ARRB1: variants seen among roughly 807,000 people sequenced by gnomAD.
ARRB1 encodes the protein arrestin beta 1, also known as beta-arrestin-1.
Under a neutral mutation model 56.8 loss-of-function variants are expected in ARRB1, and 21 were observed. The observed-to-expected ratio is 0.37, with a 90% CI of 0.26 to 0.53. The LOEUF is 0.53. ARRB1 is among the 20% of genes least tolerant of loss of function. The pLI is 0.88. For missense variants in ARRB1, 424 were observed against 553.7 expected, an observed-to-expected ratio of 0.77 and a Z score of 2.35; for synonymous variants, 210 against 218.6, an observed-to-expected ratio of 0.96 and a Z score of 0.35.
chr11:75,266,870 G>A (rs1389328618), intron 15 of ARRB1, among the ~76,000 whole-genome samples: 1 of 152,170 alleles, frequency 6.6e-6, no homozygotes, highest in African/African-American at 2.4e-5. Flanking sequence ...AGGAGGATGT[G>A]AATCTAAATA....
At chr11:75,323,153 C>T (rs1202138315) in intron 1 of ARRB1, among the ~76,000 whole-genome samples, 2 of 152,216 alleles carry the variant, frequency 1.3e-5, no homozygotes, top group Non-Finnish European at 2.9e-5. Flanking sequence ...CCTTGTGCCA[C>T]CTGCAGCCAT....
chr11:75,272,869 G>A (rs1946101536), intron 12 of ARRB1, 26 bp downstream of exon 12: 12 of 1,612,962 alleles, frequency 7.4e-6, no homozygotes, highest in African/African-American at 1.3e-5. Flanking sequence ...GCACTCCGGG[G>A]TCTTGGGCTT....
At chr11:75,327,828 A>C (rs971364187) in intron 1 of ARRB1, among the ~76,000 whole-genome samples, 2 of 152,022 alleles carry the variant, frequency 1.3e-5, no homozygotes, top group East Asian at 3.9e-4. Flanking sequence ...ACCTCAGGTG[A>C]TCTGCCCACC....
At chr11:75,334,475 T>C (rs1358214982) in intron 1 of ARRB1, among the ~76,000 whole-genome samples, 1 of 152,150 alleles carries the variant, frequency 6.6e-6, no homozygotes, top group East Asian at 1.9e-4. Flanking sequence ...AGCAGGTTAA[T>C]TTGACAGACA....
intron 1 of ARRB1, among the ~76,000 whole-genome samples, chr11:75,305,234 G>A (rs1213564486): frequency 1.3e-5 from 2 of 149,730 alleles, no homozygotes; most frequent in African/African-American, 4.9e-5. Context: ...TGGTAGAGAC[G>A]GAGTTTCACC....
chr11:75,280,594 C>T (rs551261225), intron 7 of ARRB1, among the ~76,000 whole-genome samples: 4 of 152,304 alleles, frequency 2.6e-5, no homozygotes, highest in African/African-American at 9.6e-5. Flanking sequence ...AGATGTGGGC[C>T]GACCTCCCTG....
intron 6 of ARRB1, 120 bp downstream of exon 6, chr11:75,281,842 C>A: frequency 1.9e-6 from 2 of 1,059,542 alleles, no homozygotes; most frequent in Non-Finnish European, 2.8e-6. Context: ...AGCCTAGACA[C>A]AAAGACTGTT....
At chr11:75,279,509 G>A (rs1038343964) in intron 7 of ARRB1, among the ~76,000 whole-genome samples, 4 of 152,160 alleles carry the variant, frequency 2.6e-5, no homozygotes, top group Admixed American at 6.5e-5. Context: ...CAGATAAGCT[G>A]CCTCCATTGC....
intron 13 of ARRB1, chr11:75,269,301 C>G (rs569502793): frequency 2.7e-5 from 12 of 446,648 alleles, no homozygotes; most frequent in East Asian, 1.1e-4. Flanking sequence ...CCCTGGGACC[C>G]CCCCCCACCT....
In ARRB1 at chr11:75,261,900, A is replaced by G. The variant is rs76293919; in HGVS notation, c.*4263T>C. 2.0e-5 allele frequency: 3 copies of G among 152,344 alleles called. No homozygotes were observed. The highest frequency in any genetic ancestry group is 3.9e-4 in the East Asian group (2 of 5,186). 9.4% of individuals were successfully genotyped at this position (152,344 alleles called of 1,614,324 possible). On this transcript the variant is annotated 3_prime_UTR_variant, in exon 16 of 16. Transcript: ENST00000420843. ...CATAGGCCTATGTCCATGAGACCCT[A>G]TAAGAGTGTAAGACTGGGACCTAAC...
chr11:75,297,649 G>A (rs1320996119), intron 1 of ARRB1, among the ~76,000 whole-genome samples: 4 of 151,936 alleles, frequency 2.6e-5, no homozygotes, highest in Non-Finnish European at 5.9e-5. Flanking sequence ...CAGATCACCT[G>A]AGGTCAGGAG....
chr11:75,287,723 G>A (rs1392379310), intron 2 of ARRB1, among the ~76,000 whole-genome samples: 3 of 152,368 alleles, frequency 2.0e-5, no homozygotes, highest in Middle Eastern at 6.8e-3. Context: ...GGGCATCTCA[G>A]AGGGTGAGAG....
chr11:75,304,476 C>T (rs1475576857), intron 1 of ARRB1, among the ~76,000 whole-genome samples: 7 of 151,970 alleles, frequency 4.6e-5, no homozygotes, highest in Non-Finnish European at 7.4e-5. Context: ...GGGGTGCCCA[C>T]GGTGTGCTGA....
At chr11:75,327,715 A>T (rs914236188) in intron 1 of ARRB1, among the ~76,000 whole-genome samples, 13 of 151,422 alleles carry the variant, frequency 8.6e-5, no homozygotes, top group African/African-American at 3.2e-4. Context: ...CAGCCTCCTA[A>T]GTAGCTGGGA....
intron 2 of ARRB1, among the ~76,000 whole-genome samples, chr11:75,288,017 C>T (rs1036692107): frequency 6.6e-6 from 1 of 152,128 alleles, no homozygotes; most frequent in Non-Finnish European, 1.5e-5. Flanking sequence ...CATGCACCAC[C>T]ACACGCAGCT....
At chr11:75,316,438 CAG>C (rs1334700866) in intron 1 of ARRB1, among the ~76,000 whole-genome samples, 1 of 152,200 alleles carries the variant, frequency 6.6e-6, no homozygotes, top group Admixed American at 6.5e-5. Context: ...ACTGCCCCAG[CAG>C]AGTGAGCCTA....
chr11:75,317,318 T>C (rs1947280974), intron 1 of ARRB1, among the ~76,000 whole-genome samples: 1 of 151,786 alleles, frequency 6.6e-6, no homozygotes, highest in African/African-American at 2.4e-5. Flanking sequence ...ATGGCCCATC[T>C]CCTCCCTCCA....
rs982102075 is a variant in ARRB1, at chr11:75,265,568, T to C, written c.*595A>G. ...CTCTACTCCTGGGGTCTACGAACTT[T>C]CACCAACATCACTATCAGACACAGA... On this transcript the variant is annotated 3_prime_UTR_variant, in exon 16 of 16. Coordinates refer to ENST00000420843, the MANE Select transcript of ARRB1 (RefSeq NM_004041.5). The C allele has an allele frequency of 1.9e-5, 3 of 153,992 alleles. No homozygotes were observed. The highest frequency in any genetic ancestry group is 7.2e-5 in the African/African-American group (3 of 41,442). 9.5% of individuals were successfully genotyped at this position (153,992 alleles called of 1,614,324 possible). A position where few individuals can be genotyped will look rare whatever the true frequency, so the allele number is the denominator to read the frequency against.
intron 7 of ARRB1, among the ~76,000 whole-genome samples, chr11:75,279,832 T>C (rs964301347): frequency 2.0e-5 from 3 of 152,092 alleles, no homozygotes; most frequent in African/African-American, 7.2e-5. Flanking sequence ...CACACCTGCC[T>C]AATTTTTGTA....
Sources: gnomAD v4.1 joint callset for allele counts (sites outside exome capture counted in the v4.1 genomes callset) on GRCh38, gnomAD v4.1.1 for gene constraint, MANE v1.5 for transcripts, NCBI Gene and HGNC (gene_info 2026-07-23, HGNC 2026-07-21) for gene names.